Variants in VIRMA observed in about 807,000 individuals in gnomAD.
VIRMA encodes protein virilizer homolog.
In VIRMA, 65 loss-of-function variants were observed where a neutral mutation model predicts 182.4. That is an observed-to-expected ratio of 0.36 (90% CI 0.29 to 0.44). VIRMA has a LOEUF of 0.44. Ranked by LOEUF, VIRMA falls within the 20% of genes least tolerant of loss-of-function variation. The pLI is 1.00. For missense variants in VIRMA, 1,752 were observed against 2,158.1 expected (o/e 0.81, Z 3.73); for synonymous variants, 709 against 743.1 (o/e 0.95, Z 0.75).
intron 2 of VIRMA, among the ~76,000 whole-genome samples, chr8:94,540,461 C>CTTTTTTTTTTTTTTTTTTT (rs963429701): frequency 7.8e-6 from 1 of 128,632 alleles, no homozygotes; most frequent in Non-Finnish European, 1.7e-5. Context: ...TTCTTCTTTT[C>CTTTTTTTTTTTTTTTTTTT]TTTTTTTTTT....
chr8:94,504,280 T>C (rs3098705), intron 16 of VIRMA, among the ~76,000 whole-genome samples: 46,863 of 151,716 alleles, frequency 0.31, 7,343 homozygotes, highest in South Asian at 0.47. Flanking sequence ...ATGATCTTTC[T>C]CCCATTCTGT....
At chr8:94,509,120 G>A (rs1814264696) in intron 15 of VIRMA, among the ~76,000 whole-genome samples, 1 of 152,092 alleles carries the variant, frequency 6.6e-6, no homozygotes, top group Middle Eastern at 3.2e-3. Context: ...ACTTGGTGTA[G>A]CCAGGCATGG....
At chr8:94,530,838 G>T in intron 6 of VIRMA, 125 bp downstream of exon 6, 1 of 941,270 alleles carries the variant, frequency 1.1e-6, no homozygotes, top group Non-Finnish European at 1.5e-6. Context: ...CTTAAGCCCA[G>T]GTGGTCAAGA....
intron 1 of VIRMA, among the ~76,000 whole-genome samples, chr8:94,547,584 T>C (rs746171871): frequency 2.6e-5 from 4 of 150,960 alleles, no homozygotes; most frequent in Admixed American, 6.6e-5. Context: ...AAATGACCTC[T>C]AAAATACAGG....
intron 19 of VIRMA, among the ~76,000 whole-genome samples, 192 bp from the exon 20 acceptor site, chr8:94,495,148 G>A (rs1016349694): frequency 6.6e-6 from 1 of 151,940 alleles, no homozygotes; most frequent in Non-Finnish European, 1.5e-5. Flanking sequence ...CCACAGGTGT[G>A]TACCACCACA....
chr8:94,524,298 C>T (rs1486326000), intron 8 of VIRMA, among the ~76,000 whole-genome samples: 3 of 136,794 alleles, frequency 2.2e-5, no homozygotes, highest in Admixed American at 7.4e-5. Flanking sequence ...CATGCCTGGC[C>T]GGTGTTTGTT....
chr8:94,491,566 C>T lies in VIRMA; in HGVS notation c.5140+12G>A, dbSNP rs376110612. 148 of 1,596,580 alleles carry T rather than the reference C, an allele frequency of 9.3e-5. No individual in the cohort carries two copies. The highest frequency in any genetic ancestry group is 1.2e-4 in the Non-Finnish European group (138 of 1,166,190). ...ATTCTAACCCATTAGAAAATACATA[C>T]TAATTAGTTACCTTTTGAAGCAGGT... On this transcript the variant is annotated intron_variant, in intron 22 of 23. Coordinates refer to ENST00000297591, the MANE Select transcript of VIRMA (RefSeq NM_015496.5).
chr8:94,512,593 A>C (rs1053122917), intron 11 of VIRMA: 15 of 152,404 alleles, frequency 9.8e-5, no homozygotes, highest in African/African-American at 3.6e-4. Context: ...CCTGGGCAAC[A>C]TAGTGAGACC....
chr8:94,491,958 G>T, intron 21 of VIRMA, 49 bp from the exon 22 acceptor site: 2 of 1,406,474 alleles, frequency 1.4e-6, no homozygotes, highest in South Asian at 1.6e-5. Flanking sequence ...CAGGTTTCTA[G>T]CAAAAATAAT....
chr8:94,507,112 A>C (rs1586074496), intron 15 of VIRMA, among the ~76,000 whole-genome samples: 1 of 150,448 alleles, frequency 6.6e-6, no homozygotes, highest in Non-Finnish European at 1.5e-5. Flanking sequence ...TTTATAAAGA[A>C]ACTTTTCAGA....
intron 3 of VIRMA, 141 bp downstream of exon 3, chr8:94,538,119 T>TAATAC: frequency 1.6e-6 from 1 of 637,338 alleles, no homozygotes; most frequent in East Asian, 2.7e-5. Flanking sequence ...GACATTTCTT[T>TAATAC]AATACCACCA....
rs752854832 is a variant in VIRMA at position 94,553,369 on chromosome 8, A to G, written c.63+16T>C. The G allele has an allele frequency of 1.2e-6, 2 of 1,613,166 alleles. No individual in the cohort carries two copies. Among genetic ancestry groups the G allele is most frequent in the African/African-American group, 1.3e-5 (1 of 74,930 alleles). On this transcript the variant is annotated intron_variant, in intron 1 of 23. Transcript: ENST00000297591. ...AAGTCAAGAAGCAGCGTCAGAATCA[A>G]GTCGCCAAGCCTTACCTCAGCGCTC...
chr8:94,506,361 C>T, intron 16 of VIRMA, 139 bp downstream of exon 16: 14 of 581,856 alleles, frequency 2.4e-5, no homozygotes, highest in East Asian at 2.9e-5. Context: ...TAATCTTTTC[C>T]ATACACACAA....
intron 20 of VIRMA, among the ~76,000 whole-genome samples, chr8:94,493,693 G>T (rs1201915024): frequency 6.6e-6 from 1 of 152,188 alleles, no homozygotes; most frequent in Non-Finnish European, 1.5e-5. Flanking sequence ...TGAATTGTAT[G>T]TGGTTTTTTA....
chr8:94,549,336 A>G (rs959180364), intron 1 of VIRMA, among the ~76,000 whole-genome samples: 9 of 152,240 alleles, frequency 5.9e-5, no homozygotes, highest in Non-Finnish European at 1.0e-4. Flanking sequence ...TTCCTTTGAA[A>G]TCAAGGGCAA....
At chr8:94,544,942 A>C (rs931205419) in intron 1 of VIRMA, among the ~76,000 whole-genome samples, 2 of 152,196 alleles carry the variant, frequency 1.3e-5, no homozygotes, top group Admixed American at 6.5e-5. Context: ...AAAACAAAAC[A>C]AAACCACAAA....
intron 20 of VIRMA, 112 bp downstream of exon 20, chr8:94,494,748 T>G (rs1362159560): frequency 3.0e-6 from 2 of 663,464 alleles, no homozygotes; most frequent in African/African-American, 3.8e-5. Flanking sequence ...AGGACTTGCT[T>G]CCAAGTAGAC....
At chr8:94,511,967 T>C (rs374817889) in intron 12 of VIRMA, 29 bp downstream of exon 12, 1 of 1,291,344 alleles carries the variant, frequency 7.7e-7, no homozygotes, top group Non-Finnish European at 1.1e-6. Context: ...TTAAGAATCG[T>C]AGTTTTTAAA....
At chr8:94,527,831 T>C (rs2381884) in intron 7 of VIRMA, among the ~76,000 whole-genome samples, 4,206 of 152,300 alleles carry the variant, frequency 0.028, 55 homozygotes, top group African/African-American at 0.037. Context: ...AGCAAAACCA[T>C]TGTAGATTCG....
Sources: allele counts gnomAD v4.1 joint callset (sites outside exome capture counted in the v4.1 genomes callset), GRCh38; gene constraint gnomAD v4.1.1; transcripts MANE v1.5; gene names NCBI Gene and HGNC (gene_info 2026-07-23, HGNC 2026-07-21).